Variants in FRMD4B observed in about 807,000 individuals in gnomAD.
FRMD4B encodes the protein FERM domain-containing protein 4B.
Under a neutral mutation model 141.5 loss-of-function variants are expected in FRMD4B, and 74 were observed. That is an observed-to-expected ratio of 0.52 (90% CI 0.43 to 0.63). The LOEUF (loss-of-function observed/expected upper bound fraction) is 0.63, where lower values mean the gene tolerates loss of function less well. FRMD4B is among the 30% of genes least tolerant of loss of function. FRMD4B has a pLI of 0.00. For missense variants in FRMD4B, 1,366 were observed against 1,253.4 expected, an observed-to-expected ratio of 1.09 and a Z score of -1.36; for synonymous variants, 506 against 467.9, an observed-to-expected ratio of 1.08 and a Z score of -1.05.
At chr3:69,235,641 AGAGT>A (rs2093340889) in intron 7 of FRMD4B, among the ~76,000 whole-genome samples, 1 of 151,958 alleles carries the variant, frequency 6.6e-6, no homozygotes, top group Admixed American at 6.6e-5. Flanking sequence ...CCTGGACAAC[AGAGT>A]GAGACTCCAT....
At chr3:69,346,824 G>A (rs1050371130) in intron 1 of FRMD4B, among the ~76,000 whole-genome samples, 1 of 152,138 alleles carries the variant, frequency 6.6e-6, no homozygotes, top group African/African-American at 2.4e-5. Flanking sequence ...AAGAGCTCCT[G>A]AAGGAAGCAC....
chr3:69,534,710 A>G (rs1320455943), intron 1 of FRMD4B, among the ~76,000 whole-genome samples: 1 of 152,258 alleles, frequency 6.6e-6, no homozygotes, highest in Non-Finnish European at 1.5e-5. Context: ...AAGTCAAAAA[A>G]TATGACATTA....
intron 11 of FRMD4B, among the ~76,000 whole-genome samples, chr3:69,205,059 C>CAAAAAAAAAAAAAAAAAAAAAAAAAAAAA (rs33955997): frequency 4.8e-5 from 6 of 124,422 alleles, no homozygotes; most frequent in African/African-American, 9.6e-5. Flanking sequence ...ATGTTTTTAA[C>CAAAAAAAAAAAAAAAAAAAAAAAAAAAAA]AAAAAAAAAA....
At chr3:69,284,979 T>C (rs1700624230) in intron 5 of FRMD4B, among the ~76,000 whole-genome samples, 2 of 151,950 alleles carry the variant, frequency 1.3e-5, no homozygotes, top group South Asian at 4.2e-4. Flanking sequence ...CTGGCCAACA[T>C]GGTGAAACAC....
rs147635956 is a variant in FRMD4B at position 69,293,137 on chromosome 3, C to T, written c.417-5301G>A. 3.2e-3 allele frequency: 1,066 copies of T among 330,838 alleles called. 1 individual carries two copies. Among genetic ancestry groups the T allele is most frequent in the Non-Finnish European group, 5.3e-3 (882 of 165,410 alleles). 20.5% of individuals were successfully genotyped at this position (330,838 alleles called of 1,614,324 possible). A position where few individuals can be genotyped will look rare whatever the true frequency, so the allele number is the denominator to read the frequency against. On this transcript the variant is annotated intron_variant, in intron 4 of 22. Transcript: ENST00000398540. ...CACCACTGTGACATGACAAAGACGGCTGGAAGGGACACAGCCCTGCCAGCC... is the reference window on the plus strand; with the variant it reads ...CACCACTGTGACATGACAAAGACGGTTGGAAGGGACACAGCCCTGCCAGCC...
intron 1 of FRMD4B, among the ~76,000 whole-genome samples, chr3:69,437,635 C>CTA (rs935293885): frequency 1.5e-5 from 2 of 132,112 alleles, no homozygotes; most frequent in Non-Finnish European, 3.1e-5. Context: ...AATATATATA[C>CTA]TATATATATA....
At chr3:69,472,961 G>C (rs111388170) in intron 1 of FRMD4B, among the ~76,000 whole-genome samples, 8 of 121,234 alleles carry the variant, frequency 6.6e-5, no homozygotes, top group Non-Finnish European at 1.3e-4. Flanking sequence ...TTTGGCTTAG[G>C]GGGTGGAATC....
chr3:69,530,799 T>C (rs928257579), intron 1 of FRMD4B, among the ~76,000 whole-genome samples: 1 of 152,208 alleles, frequency 6.6e-6, no homozygotes, highest in African/African-American at 2.4e-5. Flanking sequence ...GTTAGACTTC[T>C]AGAAACGGCA....
intron 7 of FRMD4B, among the ~76,000 whole-genome samples, chr3:69,229,364 T>C (rs2093284794): frequency 6.6e-6 from 1 of 152,146 alleles, no homozygotes; most frequent in South Asian, 2.1e-4. Context: ...ATGGCCTTAT[T>C]TCTTCACGTT....
rs952499729 is a variant in FRMD4B at position 69,289,077 on chromosome 3, T to C, written c.417-1241A>G. ...TTATCTCACTTGTAAGTGAGGTTAA[T>C]GAAGATGGAGGAGTGTCAGATTTAT... On this transcript the variant is annotated intron_variant, in intron 4 of 22. Coordinates refer to ENST00000398540, the MANE Select transcript of FRMD4B (RefSeq NM_015123.3). Among the ~76,000 whole-genome samples the C allele has an allele frequency of 5.3e-5, 8 of 152,296 alleles. No homozygotes were observed. The East Asian group carries it at 1.5e-3, about 29-fold the overall frequency.
chr3:69,302,499 T>C (rs1701250382), intron 3 of FRMD4B, 64 bp from the exon 4 acceptor site: 3 of 981,388 alleles, frequency 3.1e-6, no homozygotes, highest in East Asian at 5.2e-5. Flanking sequence ...CAACGTACAG[T>C]GTTGGCAAAG....
chr3:69,414,904 C>T (rs1460118290), intron 2 of FRMD4B, among the ~76,000 whole-genome samples: 4 of 124,722 alleles, frequency 3.2e-5, no homozygotes, highest in African/African-American at 1.2e-4. Flanking sequence ...CTCGCTCTGT[C>T]ACCTAGGCTG....
intron 1 of FRMD4B, among the ~76,000 whole-genome samples, chr3:69,458,001 T>C (rs569594743): frequency 6.6e-6 from 1 of 152,330 alleles, no homozygotes; most frequent in East Asian, 1.9e-4. Flanking sequence ...CCATCTTTCT[T>C]GGCTTTTCTC....
chr3:69,242,342 AT>A (rs1038476828), intron 7 of FRMD4B, among the ~76,000 whole-genome samples: 1 of 152,074 alleles, frequency 6.6e-6, no homozygotes, highest in African/African-American at 2.4e-5. Context: ...TGGAAATGAA[AT>A]TAGATTTTAG....
chr3:69,182,846 G>T (rs78737072), intron 19 of FRMD4B, 129 bp from the exon 20 acceptor site: 12,414 of 837,312 alleles, frequency 0.015, 364 homozygotes, highest in African/African-American at 0.095. Flanking sequence ...GATAGGAAGA[G>T]TGTCTTTGTG....
At chr3:69,438,408 G>T (rs1437967701) in intron 1 of FRMD4B, among the ~76,000 whole-genome samples, 1 of 151,992 alleles carries the variant, frequency 6.6e-6, no homozygotes, top group Non-Finnish European at 1.5e-5. Context: ...GTCCAGCCTT[G>T]TTATGAATAT....
At chr3:69,283,149 C>T (rs557854096) in intron 5 of FRMD4B, among the ~76,000 whole-genome samples, 20 of 151,778 alleles carry the variant, frequency 1.3e-4, no homozygotes, top group African/African-American at 4.6e-4. Context: ...TTTGGGAGGC[C>T]GAGGTGGGTG....
intron 2 of FRMD4B, among the ~76,000 whole-genome samples, chr3:69,396,284 A>G (rs1438754564): frequency 6.6e-6 from 1 of 152,134 alleles, no homozygotes; most frequent in African/African-American, 2.4e-5. Flanking sequence ...AGGTGGGTGG[A>G]TTGCTTGAGG....
intron 2 of FRMD4B, among the ~76,000 whole-genome samples, chr3:69,313,168 G>T (rs1319912615): frequency 3.3e-5 from 5 of 152,152 alleles, no homozygotes; most frequent in African/African-American, 4.8e-5. Context: ...ATTTCCCAGG[G>T]TCACAGAGCT....
Sources: allele counts gnomAD v4.1 joint callset (sites outside exome capture counted in the v4.1 genomes callset), GRCh38; gene constraint gnomAD v4.1.1; transcripts MANE v1.5; gene names NCBI Gene and HGNC (gene_info 2026-07-23, HGNC 2026-07-21).